The following KCNN2 variants were observed in gnomAD, a reference collection of about 807,000 sequenced individuals.
The protein encoded by KCNN2 is small conductance calcium-activated potassium channel protein 2.
Under a neutral mutation model 55.5 loss-of-function variants are expected in KCNN2, and 24 were observed. That is an observed-to-expected ratio of 0.43 (90% CI 0.31 to 0.61). KCNN2 has a LOEUF of 0.61. KCNN2 is among the 20% of genes least tolerant of loss of function. The pLI is 0.08. For missense variants in KCNN2, 754 were observed against 853.6 expected (o/e 0.88, Z 1.45); for synonymous variants, 431 against 336.1 (o/e 1.28, Z -3.09).
At chr5:114,259,141 C>A (rs556108357) in intron 2 of KCNN2, among the ~76,000 whole-genome samples, 3 of 152,348 alleles carry the variant, frequency 2.0e-5, no homozygotes, top group Non-Finnish European at 2.9e-5. Context: ...GGAAGAGATG[C>A]AGCCACTCAG....
chr5:114,301,260 T>C (rs554141590), intron 2 of KCNN2, among the ~76,000 whole-genome samples: 135 of 152,292 alleles, frequency 8.9e-4, no homozygotes, highest in African/African-American at 3.2e-3. Context: ...TGTATCCTTT[T>C]CTGTAAAAGG....
intron 1 of KCNN2, among the ~76,000 whole-genome samples, chr5:114,071,116 T>C (rs1221940262): frequency 6.6e-6 from 1 of 152,192 alleles, no homozygotes. Flanking sequence ...AACAGTAGAA[T>C]CTACTCTGGC....
At chr5:114,223,925 T>A (rs1352757649) in intron 2 of KCNN2, among the ~76,000 whole-genome samples, 3 of 152,122 alleles carry the variant, frequency 2.0e-5, no homozygotes, top group Non-Finnish European at 4.4e-5. Flanking sequence ...CAATGTTGGT[T>A]CTATGGTTGT....
At chr5:114,189,959 A>T (rs1273889302) in intron 1 of KCNN2, among the ~76,000 whole-genome samples, 1 of 152,208 alleles carries the variant, frequency 6.6e-6, no homozygotes, top group African/African-American at 2.4e-5. Context: ...AGTGAAAAGC[A>T]AAAGTTCAAA....
intron 2 of KCNN2, among the ~76,000 whole-genome samples, chr5:114,299,551 G>A (rs538753451): frequency 2.0e-5 from 3 of 152,058 alleles, no homozygotes; most frequent in Admixed American, 6.6e-5. Context: ...CTTTCTGGGG[G>A]GATAGGTACT....
At chr5:114,453,147 G>A (rs954454383) in intron 3 of KCNN2, among the ~76,000 whole-genome samples, 3 of 152,142 alleles carry the variant, frequency 2.0e-5, no homozygotes, top group Non-Finnish European at 4.4e-5. Flanking sequence ...AGTCGTAGGT[G>A]TACCCTCACA....
chr5:114,086,999 C>T (rs1561469615), intron 1 of KCNN2, among the ~76,000 whole-genome samples: 1 of 144,222 alleles, frequency 6.9e-6, no homozygotes, highest in African/African-American at 2.9e-5. Context: ...GATGGTATCT[C>T]ATCGTGGTTC....
intron 1 of KCNN2, among the ~76,000 whole-genome samples, chr5:114,107,209 T>A (rs1751505710): frequency 6.6e-6 from 1 of 152,098 alleles, no homozygotes; most frequent in Non-Finnish European, 1.5e-5. Flanking sequence ...TCATACATGT[T>A]TGAGGCTACT....
intron 2 of KCNN2, among the ~76,000 whole-genome samples, chr5:114,287,020 A>G (rs894307276): frequency 2.0e-5 from 3 of 152,238 alleles, no homozygotes; most frequent in South Asian, 2.1e-4. Context: ...GTCTAGAATT[A>G]TACAGTAACT....
chr5:114,098,587 C>G (rs889696476), intron 1 of KCNN2, among the ~76,000 whole-genome samples: 3 of 151,900 alleles, frequency 2.0e-5, no homozygotes, highest in African/African-American at 7.3e-5. Context: ...CTGAAACCAT[C>G]CCCACTCCCC....
At chr5:114,294,186 A>G (rs1755958851) in intron 2 of KCNN2, among the ~76,000 whole-genome samples, 1 of 151,424 alleles carries the variant, frequency 6.6e-6, no homozygotes, top group Non-Finnish European at 1.5e-5. Context: ...TTGTGTCTCT[A>G]TTTCCTTCAG....
chr5:114,170,528 C>T (rs1360395419), intron 1 of KCNN2, among the ~76,000 whole-genome samples: 1 of 151,988 alleles, frequency 6.6e-6, no homozygotes, highest in Non-Finnish European at 1.5e-5. Flanking sequence ...CCTATCTGCA[C>T]ATACCTATGC....
intron 3 of KCNN2, among the ~76,000 whole-genome samples, chr5:114,425,810 C>G (rs1383378540): frequency 6.6e-6 from 1 of 152,120 alleles, no homozygotes; most frequent in Non-Finnish European, 1.5e-5. Context: ...CTGTAATTGC[C>G]TTCCACCTTG....
At chr5:114,368,271 TAATA>T (rs1331852896) in intron 2 of KCNN2, among the ~76,000 whole-genome samples, 1 of 152,220 alleles carries the variant, frequency 6.6e-6, no homozygotes, top group Non-Finnish European at 1.5e-5. Flanking sequence ...TGTAATTATA[TAATA>T]AATAGCATTA....
intron 2 of KCNN2, among the ~76,000 whole-genome samples, chr5:114,327,154 A>G (rs1317954671): frequency 6.6e-6 from 1 of 152,242 alleles, no homozygotes; most frequent in African/African-American, 2.4e-5. Flanking sequence ...TAGTTTTGAT[A>G]CAGTGAGAAG....
chr5:114,248,871 T>TA (rs1331606343), intron 2 of KCNN2, among the ~76,000 whole-genome samples: 18 of 152,194 alleles, frequency 1.2e-4, no homozygotes, highest in Non-Finnish European at 1.5e-5. Flanking sequence ...TCACAGCATA[T>TA]AGTGTAGTAA....
chr5:114,218,115 AG>A (rs760106387), intron 1 of KCNN2, among the ~76,000 whole-genome samples: 24 of 152,266 alleles, frequency 1.6e-4, no homozygotes, highest in Non-Finnish European at 3.4e-4. Context: ...AAGGATATGG[AG>A]CAACATTCAT....
rs545310856 is a variant in KCNN2, at chr5:114,117,349, C to T, written c.-271+60849C>T. 2.6e-5 allele frequency among the ~76,000 whole-genome samples: 4 copies of T among 152,280 alleles called. No individual in the cohort carries two copies. In the South Asian group the frequency reaches 8.3e-4, roughly 32 times the overall value. ...TCTCCTGCCTAACCCACTCTGACCA[C>T]TGTGGTAACCCTCTGAGTGCCTCAC... On this transcript the variant is annotated intron_variant, in intron 1 of 10. Transcript: ENST00000512097.
chr5:114,297,147 C>A (rs1756029271), intron 2 of KCNN2, among the ~76,000 whole-genome samples: 1 of 151,950 alleles, frequency 6.6e-6, no homozygotes, highest in Admixed American at 6.6e-5. Context: ...CTATTCAGAT[C>A]ATTTATTTTA....
Sources: allele counts gnomAD v4.1 joint callset (sites outside exome capture counted in the v4.1 genomes callset), GRCh38; gene constraint gnomAD v4.1.1; transcripts MANE v1.5; gene names NCBI Gene and HGNC (gene_info 2026-07-23, HGNC 2026-07-21).